The following GET4 variants were observed in gnomAD, a reference collection of about 807,000 sequenced individuals.
GET4 encodes Golgi to ER traffic protein 4 homolog.
A neutral mutation model predicts 40.0 loss-of-function variants in GET4; 20 were observed. That is an observed-to-expected ratio of 0.50 (90% CI 0.35 to 0.73). The LOEUF is 0.73. Among genes scored for constraint, GET4 ranks in the 30% least tolerant of loss-of-function variants. The pLI is 0.01. For synonymous variants in GET4, 280 were observed against 194.6 expected, an observed-to-expected ratio of 1.44 and a Z score of -3.65; for missense variants, 557 against 454.0, an observed-to-expected ratio of 1.23 and a Z score of -2.06.
chr7:886,497 C>A, intron 2 of GET4, 72 bp from the exon 3 acceptor site: 1 of 1,152,902 alleles, frequency 8.7e-7, no homozygotes, highest in Non-Finnish European at 1.3e-6. Context: ...GCTGGAAACC[C>A]AGCCTTGTCT....
chr7:888,672 C>T (rs959434139), intron 4 of GET4, among the ~76,000 whole-genome samples: 9 of 152,254 alleles, frequency 5.9e-5, no homozygotes, highest in African/African-American at 2.2e-4. Flanking sequence ...CTGGCCCAGG[C>T]TGGTGCCTCC....
chr7:892,339 C>A lies in GET4; in HGVS notation c.667C>A (p.His223Asn). 1 of 1,596,652 alleles carries A rather than the reference C, an allele frequency of 6.3e-7. No homozygotes were observed. Among genetic ancestry groups the A allele is most frequent in the Non-Finnish European group, 8.6e-7 (1 of 1,165,254 alleles). The change falls in exon 6 of 9, where the codon CAC (histidine) becomes AAC (asparagine). Residue 223 changes from histidine (H) to asparagine (N), a missense_variant. His to Asn is a moderately conservative substitution (Grantham distance 68, BLOSUM62 1). Transcript: ENST00000265857. ...SVVFTTYTQK[H>N]PSIEDGPPFV... is the part of the protein sequence containing the mutation. ...GGTCTTCACGACGTACACCCAGAAGCACCCGTCCATCGAGGACGGGCCTCC... is the reference window on the plus strand; with the variant it reads ...GGTCTTCACGACGTACACCCAGAAGAACCCGTCCATCGAGGACGGGCCTCC...
intron 1 of GET4, chr7:885,158 C>G (rs747171865): frequency 2.0e-5 from 3 of 152,210 alleles, no homozygotes; most frequent in Non-Finnish European, 2.9e-5. Flanking sequence ...ACATTTGGCT[C>G]GCAGGCACAG....
chr7:892,490 C>G, intron 6 of GET4, 72 bp downstream of exon 6: 1 of 1,497,402 alleles, frequency 6.7e-7, no homozygotes. Context: ...GTGTGGATAG[C>G]TGTGTGGGTG....
rs934845977 is a variant in GET4, at chr7:895,685, C to G, written c.*263C>G. 2 of 296,646 alleles carry G rather than the reference C, an allele frequency of 6.7e-6. No homozygotes were observed. Among genetic ancestry groups the G allele is most frequent in the Non-Finnish European group, 1.3e-5 (2 of 158,228 alleles). The allele number at this position is 296,646 out of a possible 1,614,324, so 18.4% of individuals were successfully genotyped here. ...ACCCACAATAAAGCACAGGCCTTAC[C>G]GCGGCGTCACCCTCTCCCACTCCTT... On this transcript the variant is annotated 3_prime_UTR_variant, in exon 9 of 9. Transcript: ENST00000265857.
intron 1 of GET4, among the ~76,000 whole-genome samples, chr7:878,577 T>C (rs986506639): frequency 7.3e-5 from 11 of 150,022 alleles, no homozygotes; most frequent in Non-Finnish European, 1.5e-4. Flanking sequence ...TAATAAACTT[T>C]TTTTTTTTTT....
chr7:893,099 T>G (rs925430968), intron 6 of GET4, among the ~76,000 whole-genome samples: 37 of 127,824 alleles, frequency 2.9e-4, no homozygotes, highest in Admixed American at 8.2e-4. Context: ...GCGGGCGTGG[T>G]GATGTGTGCA....
In GET4 at chr7:876,614, AC is replaced by A; in HGVS notation, c.-31del. Reference sequence around the variant, plus strand: ...GGAGGCGCTGCCGACCGCGCCTGCGACAGCGTCAGCCCTGCGCGGAGCGCCG... The same window carrying A: ...GGAGGCGCTGCCGACCGCGCCTGCGAAGCGTCAGCCCTGCGCGGAGCGCCG... On this transcript the variant is annotated 5_prime_UTR_variant, in exon 1 of 9. Transcript: ENST00000265857. 4.3e-6 allele frequency: 5 copies of A among 1,171,590 alleles called. No individual in the cohort carries two copies. Among genetic ancestry groups the A allele is most frequent in the Non-Finnish European group, 5.3e-6 (5 of 944,210 alleles). 72.6% of individuals were successfully genotyped at this position (1,171,590 alleles called of 1,614,324 possible). A position where few individuals can be genotyped will look rare whatever the true frequency, so the allele number is the denominator to read the frequency against.
chr7:886,114 C>A lies in GET4; in HGVS notation c.214C>A (p.Leu72Ile). 1.2e-6 allele frequency: 2 copies of A among 1,608,056 alleles called. No homozygotes were observed. Among genetic ancestry groups the A allele is most frequent in the Non-Finnish European group, 8.5e-7 (1 of 1,175,304 alleles). The change falls in exon 2 of 9, where the codon CTC becomes ATC. Residue 72 changes from leucine to isoleucine, a missense_variant. Physicochemically the swap from Leu to Ile is conservative, Grantham distance 5 (BLOSUM62 2). Transcript: ENST00000265857. ...ARELMYSGAL[L>I]FFSHGQQNSA... ...GGAGCTCATGTACTCGGGAGCCCTG[C>A]TCTTCTTCAGCCATGGCCAGGTAAG... is the stretch of plus-strand genomic sequence containing the variant.
intron 1 of GET4, chr7:884,281 T>C: frequency 7.7e-7 from 1 of 1,304,154 alleles, no homozygotes; most frequent in Non-Finnish European, 1.0e-6. Flanking sequence ...CAGAGTGCCC[T>C]GTGCCAGACG....
chr7:894,630 C>T (rs1057459022), intron 8 of GET4, among the ~76,000 whole-genome samples: 1 of 152,302 alleles, frequency 6.6e-6, no homozygotes, highest in South Asian at 2.1e-4. Context: ...AGCGCCCTGA[C>T]TCTTCTGACT....
chr7:878,384 G>A (rs1844012485), intron 1 of GET4: 1 of 470,950 alleles, frequency 2.1e-6, no homozygotes, highest in South Asian at 1.5e-5. Flanking sequence ...TTCAGGTCAG[G>A]GAACAGTCTG....
chr7:892,596 C>T, intron 6 of GET4, 178 bp downstream of exon 6: 2 of 577,962 alleles, frequency 3.5e-6, no homozygotes, highest in Middle Eastern at 4.9e-4. Context: ...GTGTGCAGGT[C>T]TGTTGGGTGT....
At position 876,751 on chromosome 7, in the gene GET4, A is replaced by C. The variant is rs576672435; in HGVS notation, c.106A>C (p.Lys36Gln). ...GGGCAAGCTGCGCGCCAGCGTCGAG[A>C]AGGGCGACTACTACGAGGCGCACCA... The part of the protein sequence containing the change: ...VEGKLRASVE[K>Q]GDYYEAHQMY... Residue 36 changes from lysine to glutamine, a missense_variant, in exon 1 of 9, where the codon AAG becomes CAG. Transcript: ENST00000265857. The C allele has an allele frequency of 1.0e-5, 14 of 1,370,566 alleles. No individual in the cohort carries two copies. In the South Asian group the frequency reaches 2.1e-4, roughly 21 times the overall value. The allele number at this position is 1,370,566 out of a possible 1,614,324, so 84.9% of individuals were successfully genotyped here.
At chr7:878,325 T>C (rs760257187) in intron 1 of GET4, 3 of 471,166 alleles carry the variant, frequency 6.4e-6, no homozygotes, top group Non-Finnish European at 1.3e-5. Context: ...GTTCAGTTGT[T>C]CTGTGTGTGG....
rs1046531737 is a variant in GET4, at chr7:886,250, CTGGGGCTG to C, written c.234+121_234+128del. 3.5e-5 allele frequency: 25 copies of C among 713,478 alleles called. No homozygotes were observed. The African/African-American group carries it at 4.2e-4, about 12-fold the overall frequency. 44.2% of individuals were successfully genotyped at this position (713,478 alleles called of 1,614,324 possible). A position where few individuals can be genotyped will look rare whatever the true frequency, so the allele number is the denominator to read the frequency against. On this transcript the variant is annotated intron_variant, in intron 2 of 8. Coordinates refer to ENST00000265857, the MANE Select transcript of GET4 (RefSeq NM_015949.3). Reference sequence around the variant, plus strand: ...CTTGCGCTGCCCTGGGCCTCGGCCACTGGGGCTGTGGGTGGCAGAGGGGCCCAGAGTCC... The same window carrying C: ...CTTGCGCTGCCCTGGGCCTCGGCCACTGGGTGGCAGAGGGGCCCAGAGTCC...
chr7:886,191 TGGG>T, intron 2 of GET4, 57 bp downstream of exon 2: 6 of 1,138,230 alleles, frequency 5.3e-6, no homozygotes, highest in Non-Finnish European at 6.7e-6. Context: ...CAAGTGGAGG[TGGG>T]AATGACCTCC....
In GET4 at chr7:893,525, GGGTGTAGGCGTGGT is replaced by G. The variant is rs1844389386; in HGVS notation, c.747-209_747-196del. ...GGCATGGTGGTTGCAGGTGAGTGTTGGGTGTAGGCGTGGTGGTGTGTGCAGGTGAGTGTTGGGCG... is the reference window on the plus strand; with the variant it reads ...GGCATGGTGGTTGCAGGTGAGTGTTGGGTGTGTGCAGGTGAGTGTTGGGCG... On this transcript the variant is annotated intron_variant, in intron 6 of 8. Coordinates refer to ENST00000265857, the MANE Select transcript of GET4 (RefSeq NM_015949.3). Among the ~76,000 whole-genome samples, 5 of 143,534 alleles carry G rather than the reference GGGTGTAGGCGTGGT, an allele frequency of 3.5e-5. No homozygotes were observed. The South Asian group carries it at 1.2e-3, about 34-fold the overall frequency. 94.2% of individuals were successfully genotyped at this position (143,534 alleles called of 152,430 possible).
In GET4 at chr7:896,387, A is replaced by T. The variant is rs1752628119; in HGVS notation, c.*965A>T. ...TTTATTTACTGTAAAGTGGAATTTC[A>T]GGAAGGCTTGTGTGAACCGTTGCGC... On this transcript the variant is annotated 3_prime_UTR_variant, in exon 9 of 9. Transcript: ENST00000265857. The T allele has an allele frequency of 6.6e-6, 1 of 152,242 alleles. No individual in the cohort carries two copies. Among genetic ancestry groups the T allele is most frequent in the Non-Finnish European group, 1.5e-5 (1 of 68,050 alleles). The allele number at this position is 152,242 out of a possible 1,614,324, so 9.4% of individuals were successfully genotyped here. A position where few individuals can be genotyped will look rare whatever the true frequency, so the allele number is the denominator to read the frequency against.
Sources: allele counts gnomAD v4.1 joint callset (sites outside exome capture counted in the v4.1 genomes callset), GRCh38; gene constraint gnomAD v4.1.1; transcripts MANE v1.5; gene names NCBI Gene and HGNC (gene_info 2026-07-23, HGNC 2026-07-21).